FPR1: variants seen among roughly 807,000 people sequenced by gnomAD.
FPR1 encodes N-formyl peptide receptor 1.
For missense variants in FPR1, 407 were observed against 453.0 expected, an observed-to-expected ratio of 0.90 and a Z score of 0.92; for synonymous variants, 193 against 176.7, an observed-to-expected ratio of 1.09 and a Z score of -0.73.
Position 51,745,957 on chromosome 19 carries a change from C to T in FPR1, c.1038G>A (p.Glu346=), listed in dbSNP as rs139480916. 998 of 1,609,664 alleles carry T rather than the reference C, an allele frequency of 6.2e-4. No homozygotes were observed. The highest frequency in any genetic ancestry group is 7.8e-4 in the Non-Finnish European group (920 of 1,176,232). Residue 346 remains glutamate, a synonymous_variant, in exon 2 of 2, where the codon GAG becomes GAA. Coordinates refer to ENST00000304748, the MANE Select transcript of FPR1 (RefSeq NM_002029.4). ...TNSTLPSAEV[E]LQAK is the part of the protein sequence containing the mutation. ...AGCTCCCTCCTCACTTTGCCTGTAACTCCACCTCTGCAGAAGGTAAAGTAG... is the reference window on the plus strand; with the variant it reads ...AGCTCCCTCCTCACTTTGCCTGTAATTCCACCTCTGCAGAAGGTAAAGTAG...
chr19:51,747,696 C>G (rs2083757246), intron 1 of FPR1, among the ~76,000 whole-genome samples: 1 of 152,098 alleles, frequency 6.6e-6, no homozygotes, highest in Non-Finnish European at 1.5e-5. Context: ...TCCCTATAGC[C>G]AAAAGGTAGA....
At position 51,746,170 on chromosome 19, in the gene FPR1, C is replaced by T; in HGVS notation, c.825G>A (p.Met275Ile). 1.9e-6 allele frequency: 3 copies of T among 1,614,188 alleles called. No individual in the cohort carries two copies. Among genetic ancestry groups the T allele is most frequent in the Non-Finnish European group, 2.5e-6 (3 of 1,180,022 alleles). ...CCACTGCAATACCAATTTCTTTGTA[C>T]ATGCCTTGCAATAACTCACGGATTC... Reference protein sequence around the residue: ...TVRIRELLQGMYKEIGIAVDV... With the variant: ...TVRIRELLQGIYKEIGIAVDV... The change falls in exon 2 of 2, where the codon ATG (methionine) becomes ATA (isoleucine). Residue 275 changes from methionine to isoleucine, a missense_variant. Met to Ile is a conservative substitution (Grantham distance 10, BLOSUM62 1). Transcript: ENST00000304748. This position sits in a 1 kb window ranked among gnomAD's most constrained non-coding sequence, Gnocchi z 4.3.
chr19:51,745,949 G>A lies in FPR1; in HGVS notation c.1046C>T (p.Ala349Val). Residue 349 changes from alanine to valine, a missense_variant, in exon 2 of 2, where the codon GCA (alanine) becomes GTA (valine). Ala to Val is a moderately conservative substitution (Grantham distance 64, BLOSUM62 0). Coordinates refer to ENST00000304748, the MANE Select transcript of FPR1 (RefSeq NM_002029.4). The part of the protein sequence containing the change: ...TLPSAEVELQ[A>V]K The stretch of plus-strand genomic sequence containing the variant: ...TGTCCCCCAGCTCCCTCCTCACTTT[G>A]CCTGTAACTCCACCTCTGCAGAAGG... 1 of 1,607,918 alleles carries A rather than the reference G, an allele frequency of 6.2e-7. No individual in the cohort carries two copies. The highest frequency in any genetic ancestry group is 8.5e-7 in the Non-Finnish European group (1 of 1,174,846).
intron 1 of FPR1, 97 bp from the exon 2 acceptor site, chr19:51,747,102 C>T: frequency 2.3e-6 from 2 of 853,934 alleles, no homozygotes; most frequent in Non-Finnish European, 3.7e-6. Flanking sequence ...CCACTCCTAG[C>T]TTTCTCACCT....
intron 1 of FPR1, among the ~76,000 whole-genome samples, chr19:51,747,221 C>CTTTTTTTTTT (rs55849683): frequency 7.1e-5 from 10 of 141,514 alleles, no homozygotes; most frequent in African/African-American, 1.6e-4. Context: ...AAGATTACAT[C>CTTTTTTTTTT]TTTTTTTTTT....
chr19:51,745,671 G>T, downstream of FPR1: 1 of 414,422 alleles, frequency 2.4e-6, no homozygotes, highest in East Asian at 4.5e-5. Context: ...TATTATTTGG[G>T]TTCATTTCAG....
Position 51,746,398 on chromosome 19 carries a change from C to T in FPR1, c.597G>A (p.Thr199=), listed in dbSNP as rs138910142. ...TGATGAACCGGATGATGCCTCTCAC[C>T]GTCAACATGGCAACGGCCACATTTA... The part of the protein sequence containing the change: ...ERINVAVAML[T]VRGIIRFIIG... The change falls in exon 2 of 2, where the codon ACG becomes ACA. Residue 199 remains threonine (T), a synonymous_variant. Transcript: ENST00000304748. The surrounding 1 kb of genome is among the most constrained non-coding windows in gnomAD (Gnocchi z 4.3). The T allele has an allele frequency of 1.9e-5, 30 of 1,614,168 alleles. No homozygotes were observed. Among genetic ancestry groups the T allele is most frequent in the Middle Eastern group, 1.6e-4 (1 of 6,062 alleles).
chr19:51,746,705 A>T lies in FPR1; in HGVS notation c.290T>A (p.Leu97Gln), dbSNP rs2083748933. The change falls in exon 2 of 2, where the codon CTG becomes CAG. Residue 97 changes from leucine to glutamine, a missense_variant. Transcript: ENST00000304748. This position sits in a 1 kb window ranked among gnomAD's most constrained non-coding sequence, Gnocchi z 4.3. The part of the protein sequence containing the change: ...MGGHWPFGWF[L>Q]CKFVFTIVDI... ...CACTATGGTAAAGACGAATTTGCAC[A>T]GGAACCAGCCGAAAGGCCAATGTCC... 6.2e-7 allele frequency: 1 copy of T among 1,614,212 alleles called. No individual in the cohort carries two copies. The highest frequency in any genetic ancestry group is 8.5e-7 in the Non-Finnish European group (1 of 1,180,034).
chr19:51,746,757 A>G lies in FPR1; in HGVS notation c.238T>C (p.Phe80Leu). Reference protein sequence around the residue: ...ADFCFTSTLPFFMVRKAMGGH... With the variant: ...ADFCFTSTLPLFMVRKAMGGH... The stretch of plus-strand genomic sequence containing the variant: ...CCCATGGCCTTCCTGACCATGAAGA[A>G]TGGCAAAGTGGAGGTGAAACAGAAG... Residue 80 changes from phenylalanine to leucine, a missense_variant, in exon 2 of 2, where the codon TTC becomes CTC. Physicochemically the swap from Phe to Leu is conservative, Grantham distance 22 (BLOSUM62 0). Transcript: ENST00000304748. This position sits in a 1 kb window ranked among gnomAD's most constrained non-coding sequence, Gnocchi z 4.3. The G allele has an allele frequency of 6.2e-7, 1 of 1,614,166 alleles. No individual in the cohort carries two copies. The highest frequency in any genetic ancestry group is 8.5e-7 in the Non-Finnish European group (1 of 1,180,028).
chr19:51,746,314 C>T lies in FPR1; in HGVS notation c.681G>A (p.Lys227=). The part of the protein sequence containing the change: ...VAVSYGLIAT[K]IHKQGLIKSS... ...ACTTAATCAAGCCTTGCTTGTGGAT[C>T]TTGGTGGCAATAAGCCCATAACTGA... Residue 227 remains lysine (K), a synonymous_variant, in exon 2 of 2, where the codon AAG becomes AAA. Transcript: ENST00000304748. This position sits in a 1 kb window ranked among gnomAD's most constrained non-coding sequence, Gnocchi z 4.3. 6.2e-7 allele frequency: 1 copy of T among 1,614,150 alleles called. No individual in the cohort carries two copies. The highest frequency in any genetic ancestry group is 8.5e-7 in the Non-Finnish European group (1 of 1,180,032).
intron 1 of FPR1, among the ~76,000 whole-genome samples, chr19:51,748,676 T>C (rs1279544885): frequency 6.6e-6 from 1 of 152,034 alleles, no homozygotes; most frequent in Non-Finnish European, 1.5e-5. Flanking sequence ...GCCAGCCTGG[T>C]CTCAAACTCC....
chr19:51,745,178 CG>C (rs2083735008), downstream of FPR1: 1 of 150,708 alleles, frequency 6.6e-6, no homozygotes, highest in Non-Finnish European at 1.5e-5. Context: ...TTTTCTGAGC[CG>C]GAGTCTCTCT....
At chr19:51,747,963 A>T (rs1367631143) in intron 1 of FPR1, among the ~76,000 whole-genome samples, 2 of 152,084 alleles carry the variant, frequency 1.3e-5, no homozygotes, top group Non-Finnish European at 2.9e-5. Context: ...ACATAGCAAG[A>T]TCCTCATCTC....
At position 51,746,099 on chromosome 19, in the gene FPR1, A is replaced by G. The variant is rs1457870210; in HGVS notation, c.896T>C (p.Met299Thr). ...LAFFNSCLNPMLYVFMGQDFR... is the reference protein window; with the variant it reads ...LAFFNSCLNPTLYVFMGQDFR... ...GTCCTGGCCCATGAAGACATAGAGC[A>G]TGGGGTTGAGGCAGCTGTTGAAGAA... Residue 299 changes from methionine (M) to threonine (T), a missense_variant, in exon 2 of 2, where the codon ATG becomes ACG. Physicochemically the swap from Met to Thr is moderately conservative, Grantham distance 81 (BLOSUM62 -1). Transcript: ENST00000304748. This position sits in a 1 kb window ranked among gnomAD's most constrained non-coding sequence, Gnocchi z 4.3. 1 of 1,614,180 alleles carries G rather than the reference A, an allele frequency of 6.2e-7. No individual in the cohort carries two copies. The highest frequency in any genetic ancestry group is 1.3e-5 in the African/African-American group (1 of 75,056).
At position 51,746,709 on chromosome 19, in the gene FPR1, A is replaced by G; in HGVS notation, c.286T>C (p.Phe96Leu). ...ATGGTAAAGACGAATTTGCACAGGA[A>G]CCAGCCGAAAGGCCAATGTCCTCCC... ...AMGGHWPFGWFLCKFVFTIVD... is the reference protein window; with the variant it reads ...AMGGHWPFGWLLCKFVFTIVD... The change falls in exon 2 of 2, where the codon TTC (phenylalanine) becomes CTC (leucine). Residue 96 changes from phenylalanine (F) to leucine (L), a missense_variant. By Grantham distance (22) the Phe-to-Leu change is conservative. Coordinates refer to ENST00000304748, the MANE Select transcript of FPR1 (RefSeq NM_002029.4). The surrounding 1 kb of genome is among the most constrained non-coding windows in gnomAD (Gnocchi z 4.3). The G allele has an allele frequency of 6.2e-7, 1 of 1,614,156 alleles. No individual in the cohort carries two copies. Among genetic ancestry groups the G allele is most frequent in the Non-Finnish European group, 8.5e-7 (1 of 1,180,024 alleles).
In FPR1 at chr19:51,746,408, G is replaced by A. The variant is rs1341165144; in HGVS notation, c.587C>T (p.Ala196Val). 2 of 1,614,032 alleles carry A rather than the reference G, an allele frequency of 1.2e-6. No homozygotes were observed. Among genetic ancestry groups the A allele is most frequent in the African/African-American group, 1.3e-5 (1 of 74,912 alleles). ...DPKERINVAV[A>V]MLTVRGIIRF... ...GATGATGCCTCTCACCGTCAACATG[G>A]CAACGGCCACATTTATCCTCTCTTT... The change falls in exon 2 of 2, where the codon GCC (alanine) becomes GTC (valine). Residue 196 changes from alanine to valine, a missense_variant. By Grantham distance (64) the Ala-to-Val change is moderately conservative (BLOSUM62 0). Transcript: ENST00000304748. The surrounding 1 kb of genome is among the most constrained non-coding windows in gnomAD (Gnocchi z 4.3).
chr19:51,748,107 T>C (rs2083759541), intron 1 of FPR1, among the ~76,000 whole-genome samples: 1 of 152,120 alleles, frequency 6.6e-6, no homozygotes, highest in Admixed American at 6.6e-5. Context: ...TGTACTATGA[T>C]TGAGCCACTG....
intron 1 of FPR1, among the ~76,000 whole-genome samples, chr19:51,748,298 T>C (rs1256375995): frequency 6.6e-6 from 1 of 152,174 alleles, no homozygotes; most frequent in Non-Finnish European, 1.5e-5. Flanking sequence ...TGCAGATTAG[T>C]GATTGCCAGG....
chr19:51,746,815 G>A lies in FPR1; in HGVS notation c.180C>T (p.Thr60=), dbSNP rs1307802122. 1.9e-6 allele frequency: 3 copies of A among 1,614,166 alleles called. No individual in the cohort carries two copies. The highest frequency in any genetic ancestry group is 3.3e-5 in the Admixed American group (2 of 60,026). Residue 60 remains threonine, a synonymous_variant, in exon 2 of 2, where the codon ACC becomes ACT. Transcript: ENST00000304748. The surrounding 1 kb of genome is among the most constrained non-coding windows in gnomAD (Gnocchi z 4.3). ...CGGCCAGGTTCAGGTAACTGATGGT[G>A]GTGACTGTGTGTGTCATCCGGAATC... The part of the protein sequence containing the change: ...VAGFRMTHTV[T]TISYLNLAVA...
Sources: allele counts gnomAD v4.1 joint callset (sites outside exome capture counted in the v4.1 genomes callset), GRCh38; gene constraint gnomAD v4.1.1; non-coding constraint Gnocchi (gnomAD v3.1); transcripts MANE v1.5; gene names NCBI Gene and HGNC (gene_info 2026-07-23, HGNC 2026-07-21).